Variants in ANGPT2 observed in about 807,000 individuals in gnomAD.
The protein encoded by ANGPT2 is angiopoietin 2, also known as angiopoietin-2.
ANGPT2 carries 28 observed loss-of-function variants against 62.9 expected under a neutral mutation model. That is an observed-to-expected ratio of 0.44 (90% CI 0.33 to 0.61). The LOEUF (loss-of-function observed/expected upper bound fraction) is 0.61. ANGPT2 is among the 20% of genes least tolerant of loss of function. The pLI is 0.03. For missense variants in ANGPT2, 727 were observed against 594.9 expected (o/e 1.22, Z -2.31); for synonymous variants, 284 against 207.8 (o/e 1.37, Z -3.15).
chr8:6,562,574 T>TTTTTAAAACC, intron 1 of ANGPT2, 73 bp downstream of exon 1: 1 of 583,794 alleles, frequency 1.7e-6, no homozygotes, highest in Non-Finnish European at 2.6e-6. Context: ...TTTTTTTTGG[T>TTTTTAAAACC]TGTTAAAACC....
intron 7 of ANGPT2, among the ~76,000 whole-genome samples, chr8:6,509,753 G>A (rs950402688): frequency 6.6e-6 from 1 of 152,144 alleles, no homozygotes; most frequent in Non-Finnish European, 1.5e-5. Flanking sequence ...GAATACACCT[G>A]ACCTTTGGAG....
Position 6,502,948 on chromosome 8 carries a change from A to G in ANGPT2, c.*153T>C. ...GATGCAAGTTTAAGTGATAAAGTTTACAGGCTCTAATCTGGAGCATGTGGG... is the reference window on the plus strand; with the variant it reads ...GATGCAAGTTTAAGTGATAAAGTTTGCAGGCTCTAATCTGGAGCATGTGGG... On this transcript the variant is annotated 3_prime_UTR_variant, in exon 9 of 9. Coordinates refer to ENST00000629816, the MANE Select transcript of ANGPT2 (RefSeq NM_001118887.2). 3 of 809,296 alleles carry G rather than the reference A, an allele frequency of 3.7e-6. No individual in the cohort carries two copies. In the East Asian group the frequency reaches 8.1e-5, roughly 22 times the overall value. 50.1% of individuals were successfully genotyped at this position (809,296 alleles called of 1,614,324 possible).
intron 1 of ANGPT2, among the ~76,000 whole-genome samples, chr8:6,537,968 C>G (rs1366359992): frequency 6.6e-6 from 1 of 152,068 alleles, no homozygotes; most frequent in East Asian, 1.9e-4. Flanking sequence ...TGGACAAAAA[C>G]TAATTAATCA....
At chr8:6,523,112 C>G (rs1817673740) in intron 3 of ANGPT2, among the ~76,000 whole-genome samples, 2 of 152,040 alleles carry the variant, frequency 1.3e-5, no homozygotes, top group South Asian at 4.2e-4. Context: ...ATTCTCCTGC[C>G]TCAGTCTCCC....
chr8:6,499,736 C>A lies in ANGPT2; in HGVS notation c.*3365G>T. On this transcript the variant is annotated 3_prime_UTR_variant, in exon 9 of 9. Transcript: ENST00000629816. ...GGGACTTTGTTGTCTGAGAACACAT[C>A]TATTTCAGATCTGCGGAGTGTATCA... 1.2e-6 allele frequency: 1 copy of A among 828,118 alleles called. No homozygotes were observed. The highest frequency in any genetic ancestry group is 2.1e-6 in the Non-Finnish European group (1 of 478,514). 51.3% of individuals were successfully genotyped at this position (828,118 alleles called of 1,614,324 possible). A position where few individuals can be genotyped will look rare whatever the true frequency, so the allele number is the denominator to read the frequency against.
chr8:6,504,402 T>A (rs1387232424), intron 8 of ANGPT2, among the ~76,000 whole-genome samples: 1 of 151,914 alleles, frequency 6.6e-6, no homozygotes, highest in Admixed American at 6.6e-5. Flanking sequence ...GATGCCCACT[T>A]CATCCCTCCC....
intron 1 of ANGPT2, among the ~76,000 whole-genome samples, chr8:6,561,388 T>C (rs1366384039): frequency 1.3e-5 from 2 of 152,220 alleles, no homozygotes; most frequent in Admixed American, 1.3e-4. Context: ...ATTCATTCAT[T>C]TAAGCTCATG....
At chr8:6,541,400 C>T (rs1004123915) in intron 1 of ANGPT2, among the ~76,000 whole-genome samples, 4 of 152,048 alleles carry the variant, frequency 2.6e-5, no homozygotes, top group African/African-American at 4.8e-5. Context: ...CAGTCAGCAG[C>T]GCTGGAGAGG....
chr8:6,506,781 T>G (rs909898056), intron 8 of ANGPT2, among the ~76,000 whole-genome samples: 25 of 150,608 alleles, frequency 1.7e-4, no homozygotes, highest in African/African-American at 6.1e-4. Flanking sequence ...AGGATTGCTT[T>G]TTTTTTTTTT....
chr8:6,531,293 C>CTTTCT (rs1554436787), intron 2 of ANGPT2, among the ~76,000 whole-genome samples: 3 of 142,398 alleles, frequency 2.1e-5, no homozygotes, highest in African/African-American at 7.7e-5. Context: ...TTCTTTCTTT[C>CTTTCT]TTTTTTTTTT....
At chr8:6,548,160 T>G (rs1215011141) in intron 1 of ANGPT2, among the ~76,000 whole-genome samples, 3 of 152,178 alleles carry the variant, frequency 2.0e-5, no homozygotes, top group African/African-American at 7.2e-5. Context: ...ACTGGAATCT[T>G]GGCCTTCTCC....
chr8:6,526,944 G>A (rs1048560383), intron 3 of ANGPT2, among the ~76,000 whole-genome samples: 3 of 152,076 alleles, frequency 2.0e-5, no homozygotes. Flanking sequence ...ATATAATCAT[G>A]TTTAATATTT....
intron 1 of ANGPT2, among the ~76,000 whole-genome samples, chr8:6,549,698 C>A (rs1041805767): frequency 1.3e-5 from 2 of 150,232 alleles, no homozygotes; most frequent in African/African-American, 4.9e-5. Flanking sequence ...TCGAGCTGGG[C>A]GGTCATTACA....
chr8:6,508,461 G>T (rs1453836892), intron 8 of ANGPT2: 1 of 178,682 alleles, frequency 5.6e-6, no homozygotes, highest in East Asian at 1.7e-4. Context: ...ATAAACAACT[G>T]GAGACTGTGT....
At chr8:6,549,021 A>G (rs1043481613) in intron 1 of ANGPT2, among the ~76,000 whole-genome samples, 3 of 152,224 alleles carry the variant, frequency 2.0e-5, no homozygotes, top group Admixed American at 6.5e-5. Context: ...ATCACGGAAT[A>G]AACACCAAGA....
chr8:6,527,948 T>G (rs1818681177), intron 2 of ANGPT2, among the ~76,000 whole-genome samples: 1 of 143,428 alleles, frequency 7.0e-6, no homozygotes, highest in South Asian at 2.3e-4. Flanking sequence ...CGGGGTGGAG[T>G]GCAGTGGCAT....
chr8:6,509,414 T>G (rs1041094914), intron 7 of ANGPT2, among the ~76,000 whole-genome samples: 2 of 152,208 alleles, frequency 1.3e-5, no homozygotes, highest in Non-Finnish European at 2.9e-5. Flanking sequence ...TCATCTTCCA[T>G]AGAGACGGAG....
At chr8:6,515,311 C>G (rs974310862) in intron 5 of ANGPT2, among the ~76,000 whole-genome samples, 7 of 152,100 alleles carry the variant, frequency 4.6e-5, no homozygotes, top group Non-Finnish European at 8.8e-5. Context: ...TGTTTGGCTT[C>G]CTTTATGTGC....
At chr8:6,513,955 C>T (rs1982386) in intron 6 of ANGPT2, 111 bp from the exon 7 acceptor site, 289,464 of 1,050,550 alleles carry the variant, frequency 0.28, 44,882 homozygotes, top group East Asian at 0.69. Flanking sequence ...GCAGAAATTC[C>T]TTCTGGTGCT....
Sources: allele counts gnomAD v4.1 joint callset (sites outside exome capture counted in the v4.1 genomes callset), GRCh38; gene constraint gnomAD v4.1.1; transcripts MANE v1.5; gene names NCBI Gene and HGNC (gene_info 2026-07-23, HGNC 2026-07-21).